Variants in GOLGA4 observed in about 807,000 individuals in gnomAD.
GOLGA4 encodes the protein golgin A4.
A neutral mutation model predicts 265.9 loss-of-function variants in GOLGA4; 169 were observed. That is an observed-to-expected ratio of 0.64 (90% confidence interval 0.56 to 0.72). The LOEUF (loss-of-function observed/expected upper bound fraction) is 0.72, where lower values mean the gene tolerates loss of function less well. GOLGA4 is among the 30% of genes least tolerant of loss of function. The pLI, the probability that GOLGA4 is intolerant of heterozygous loss-of-function variation, is 0.00. For missense variants in GOLGA4, 2,482 were observed against 2,483.4 expected, an observed-to-expected ratio of 1.00 and a Z score of 0.01; for synonymous variants, 923 against 855.8, an observed-to-expected ratio of 1.08 and a Z score of -1.37.
intron 4 of GOLGA4, among the ~76,000 whole-genome samples, chr3:37,288,279 T>C (rs528008743): frequency 1.2e-4 from 18 of 150,320 alleles, no homozygotes; most frequent in Non-Finnish European, 1.0e-4. Context: ...TTTTTGAATT[T>C]TTTTTTTTTT....
intron 2 of GOLGA4, among the ~76,000 whole-genome samples, chr3:37,277,399 A>C (rs889928130): frequency 6.6e-6 from 1 of 152,054 alleles, no homozygotes; most frequent in Non-Finnish European, 1.5e-5. Flanking sequence ...ACTTCCCACT[A>C]TTTTTTTCCC....
At chr3:37,336,606 CAA>C (rs556236243) in intron 17 of GOLGA4, among the ~76,000 whole-genome samples, 69 of 136,222 alleles carry the variant, frequency 5.1e-4, no homozygotes, top group African/African-American at 6.8e-4. Flanking sequence ...GCTAAAAATA[CAA>C]AAAAAAAAAA....
At chr3:37,329,168 C>T in intron 16 of GOLGA4, 75 bp downstream of exon 16, 2 of 1,250,906 alleles carry the variant, frequency 1.6e-6, no homozygotes, top group South Asian at 1.6e-5. Context: ...CAAAGATTTC[C>T]TTTTCAAATG....
intron 1 of GOLGA4, 117 bp downstream of exon 1, chr3:37,243,739 C>CT: frequency 1.2e-6 from 1 of 815,926 alleles, no homozygotes; most frequent in South Asian, 1.7e-5. Flanking sequence ...CTAACCCGCA[C>CT]TTTTCCCAAA....
intron 19 of GOLGA4, among the ~76,000 whole-genome samples, chr3:37,338,185 G>C (rs2097020840): frequency 6.6e-6 from 1 of 152,114 alleles, no homozygotes; most frequent in Non-Finnish European, 1.5e-5. Flanking sequence ...ACCCATACCA[G>C]GATATGTGGT....
intron 9 of GOLGA4, among the ~76,000 whole-genome samples, chr3:37,299,739 C>T (rs2096887853): frequency 6.6e-6 from 1 of 152,120 alleles, no homozygotes; most frequent in Non-Finnish European, 1.5e-5. Context: ...ATTAATCTCT[C>T]AGATAAGTTG....
chr3:37,305,921 G>GTC (rs2096904812), intron 10 of GOLGA4, among the ~76,000 whole-genome samples: 1 of 152,200 alleles, frequency 6.6e-6, no homozygotes, highest in Non-Finnish European at 1.5e-5. Context: ...TTGGGAAACA[G>GTC]TCTCTTAAGC....
chr3:37,366,019 C>T (rs903707461), intron 23 of GOLGA4, 61 bp from the exon 24 acceptor site: 1 of 1,400,112 alleles, frequency 7.1e-7, no homozygotes, highest in African/African-American at 1.4e-5. Context: ...AAAAAGTCAA[C>T]CTAAATGTTT....
chr3:37,256,470 CA>C (rs879391061), intron 2 of GOLGA4, among the ~76,000 whole-genome samples: 109 of 130,110 alleles, frequency 8.4e-4, no homozygotes, highest in Middle Eastern at 3.9e-3. Context: ...AACTCCATCT[CA>C]AAAAAAAAAA....
rs977784524 is a variant in GOLGA4, at chr3:37,296,023, G to C, written c.682-64G>C. 2.1e-6 allele frequency: 3 copies of C among 1,433,658 alleles called. No homozygotes were observed. In the African/African-American group the frequency reaches 4.2e-5, roughly 20 times the overall value. The allele number at this position is 1,433,658 out of a possible 1,614,324, so 88.8% of individuals were successfully genotyped here. On this transcript the variant is annotated intron_variant, in intron 6 of 23. Transcript: ENST00000361924. ...GGAACCAATCCCCCACAGATACCAA[G>C]GGACAATTGTACTACTCCCATAGTT...
At chr3:37,293,906 A>G (rs1039053476) in intron 5 of GOLGA4, among the ~76,000 whole-genome samples, 1 of 152,238 alleles carries the variant, frequency 6.6e-6, no homozygotes. Flanking sequence ...CCTGTACAGC[A>G]TGTTACTGTA....
chr3:37,285,951 G>T, intron 3 of GOLGA4, 63 bp from the exon 4 acceptor site: 2 of 955,712 alleles, frequency 2.1e-6, no homozygotes, highest in Non-Finnish European at 1.6e-6. Flanking sequence ...GAATTTTTTA[G>T]TGGACTTTAG....
rs563772955 is a variant in GOLGA4 at position 37,301,397 on chromosome 3, G to T, written c.1087-788G>T. Among the ~76,000 whole-genome samples the T allele has an allele frequency of 5.3e-5, 8 of 152,340 alleles. No homozygotes were observed. In the East Asian group the frequency reaches 1.5e-3, roughly 29 times the overall value. ...CAGGAAGAAAGAGAAGAACCAGGTA[G>T]ATGTGTCCTGGGATTTTGCTTTATC... On this transcript the variant is annotated intron_variant, in intron 9 of 23. Transcript: ENST00000361924.
In GOLGA4 at chr3:37,325,720, TAGAC is replaced by T; in HGVS notation, c.3837_3840del (p.Arg1279SerfsTer2). 1.9e-6 allele frequency: 3 copies of T among 1,613,354 alleles called. No homozygotes were observed. Among genetic ancestry groups the T allele is most frequent in the South Asian group, 1.1e-5 (1 of 91,070 alleles). On this transcript the variant is annotated frameshift_variant, in exon 14 of 24. Transcript: ENST00000361924. LOFTEE classifies it high-confidence loss of function. ...CAGTTTCTGAATTAGAAGCACAACT[TAGAC>T]AGTTGACAGAGGAGCAAAATACACT...
chr3:37,322,331 G>T (rs564531504), intron 13 of GOLGA4, among the ~76,000 whole-genome samples: 14 of 152,220 alleles, frequency 9.2e-5, no homozygotes, highest in Admixed American at 1.3e-4. Context: ...GGTTTCCCCA[G>T]TTTTTCCATA....
chr3:37,354,986 G>T, intron 21 of GOLGA4, 115 bp from the exon 22 acceptor site: 2 of 650,992 alleles, frequency 3.1e-6, no homozygotes, highest in Non-Finnish European at 5.6e-6. Flanking sequence ...ATACTTCTTT[G>T]TTCGTGGCTT....
Position 37,284,145 on chromosome 3 carries a change from GT to G in GOLGA4, c.478-1867del, listed in dbSNP as rs60234704. Among the ~76,000 whole-genome samples the G allele has an allele frequency of 7.1e-3, 1,086 of 152,174 alleles. 15 individuals are homozygous for G. The highest frequency in any genetic ancestry group is 0.025 in the African/African-American group (1,019 of 41,514). On this transcript the variant is annotated intron_variant, in intron 3 of 23. Transcript: ENST00000361924. ...GTTGTAAATGACCTCTGATTCTTGG[GT>G]TACTCTTCCACACACAACCCCCCTC...
intron 3 of GOLGA4, among the ~76,000 whole-genome samples, chr3:37,283,619 A>G (rs1027910264): frequency 2.6e-5 from 4 of 152,114 alleles, no homozygotes; most frequent in Admixed American, 1.3e-4. Context: ...CCTGGGCCCA[A>G]GCGATCCTTC....
At chr3:37,330,124 G>GA (rs750759525) in intron 16 of GOLGA4, among the ~76,000 whole-genome samples, 70 of 141,694 alleles carry the variant, frequency 4.9e-4, no homozygotes, top group East Asian at 4.0e-3. Flanking sequence ...TGTGCTAAAT[G>GA]AAAAAAAAAA....
Sources: gnomAD v4.1 joint callset for allele counts (sites outside exome capture counted in the v4.1 genomes callset) on GRCh38, gnomAD v4.1.1 for gene constraint, MANE v1.5 for transcripts, NCBI Gene and HGNC (gene_info 2026-07-23, HGNC 2026-07-21) for gene names.